NTN1: variants seen among roughly 807,000 people sequenced by gnomAD.
The protein encoded by NTN1 is netrin 1, also known as netrin-1.
In NTN1, 11 loss-of-function variants were observed where a neutral mutation model predicts 54.2. That is an observed-to-expected ratio of 0.20 (90% CI 0.13 to 0.34). The LOEUF is 0.34. NTN1 is among the 10% of genes least tolerant of loss of function. The pLI is 1.00. For missense variants in NTN1, 740 were observed against 893.1 expected, an observed-to-expected ratio of 0.83 and a Z score of 2.18; for synonymous variants, 371 against 382.0, an observed-to-expected ratio of 0.97 and a Z score of 0.33.
intron 3 of NTN1, chr17:9,171,445 C>T (rs1301411301): frequency 1.3e-5 from 2 of 152,194 alleles, no homozygotes; most frequent in South Asian, 2.1e-4. Flanking sequence ...GTTTGTGTAA[C>T]GCTTATTGCA....
At chr17:9,071,371 C>T (rs1434563640) in intron 2 of NTN1, among the ~76,000 whole-genome samples, 2 of 152,224 alleles carry the variant, frequency 1.3e-5, no homozygotes, top group South Asian at 2.1e-4. Flanking sequence ...GTTTTGATCA[C>T]TTTTCTAATA....
intron 2 of NTN1, among the ~76,000 whole-genome samples, chr17:9,033,737 G>A (rs2091894636): frequency 6.6e-6 from 1 of 152,144 alleles, no homozygotes; most frequent in Admixed American, 6.5e-5. Context: ...GACCAACATG[G>A]AGAAACCCCG....
chr17:9,053,152 T>C (rs2142200556), intron 2 of NTN1, among the ~76,000 whole-genome samples: 1 of 152,348 alleles, frequency 6.6e-6, no homozygotes, highest in Middle Eastern at 3.4e-3. Flanking sequence ...TGTTTATGTA[T>C]TGTCTGTGGC....
chr17:9,057,546 C>A (rs1176690784), intron 2 of NTN1, among the ~76,000 whole-genome samples: 1 of 152,114 alleles, frequency 6.6e-6, no homozygotes. Flanking sequence ...CCTTCATCTC[C>A]CCGTTTTCAT....
chr17:9,046,696 A>C (rs1011954294), intron 2 of NTN1, among the ~76,000 whole-genome samples: 1 of 152,156 alleles, frequency 6.6e-6, no homozygotes. Flanking sequence ...CTCAGGCAGG[A>C]GGATCGCTTG....
chr17:9,100,931 C>G (rs1165144995), intron 2 of NTN1, among the ~76,000 whole-genome samples: 2 of 152,160 alleles, frequency 1.3e-5, no homozygotes, highest in African/African-American at 4.8e-5. Context: ...TGCTGTTCCT[C>G]CCTTCCTGGA....
intron 2 of NTN1, among the ~76,000 whole-genome samples, chr17:9,114,167 ATATAT>A (rs1299067458): frequency 9.5e-4 from 51 of 53,522 alleles, no homozygotes; most frequent in African/African-American, 4.0e-3. Flanking sequence ...AAAAAAAAAA[ATATAT>A]ATATATATAT....
chr17:9,228,777 G>A (rs1312443608), intron 6 of NTN1, among the ~76,000 whole-genome samples: 1 of 151,862 alleles, frequency 6.6e-6, no homozygotes, highest in Non-Finnish European at 1.5e-5. Context: ...ACTCAAGGAG[G>A]ATGTTCTGTT....
At chr17:9,234,810 C>T (rs1015153618) in intron 6 of NTN1, among the ~76,000 whole-genome samples, 3 of 152,242 alleles carry the variant, frequency 2.0e-5, no homozygotes, top group Non-Finnish European at 4.4e-5. Context: ...CTCCCCTCCC[C>T]AGGCAGGGTT....
rs117911707 is a variant in NTN1 at position 9,106,384 on chromosome 17, C to T, written c.1019-56429C>T. On this transcript the variant is annotated intron_variant, in intron 2 of 6. Transcript: ENST00000173229. ...GTAGGCCTGCCTCGGAGTTAGCACACGGAACGGAATATCCTACATGTAGTT... is the reference window on the plus strand; with the variant it reads ...GTAGGCCTGCCTCGGAGTTAGCACATGGAACGGAATATCCTACATGTAGTT... Among the ~76,000 whole-genome samples the T allele has an allele frequency of 1.2e-4, 18 of 152,324 alleles. No homozygotes were observed. The East Asian group carries it at 2.9e-3, about 24-fold the overall frequency.
chr17:9,077,968 C>T (rs933578156), intron 2 of NTN1, among the ~76,000 whole-genome samples: 4 of 152,188 alleles, frequency 2.6e-5, no homozygotes, highest in Admixed American at 1.3e-4. Flanking sequence ...ATTATCATTA[C>T]TCCACTCCTG....
rs561199419 is a variant in NTN1, at chr17:9,072,248, G to GT, written c.1018+48874dup. ...GGCCCTGGAGCCTGGGTTATTTGCT[G>GT]TTTTTTTTTTTTTTTTTCAAGCGGG... On this transcript the variant is annotated intron_variant, in intron 2 of 6. Transcript: ENST00000173229. 6.9e-3 allele frequency among the ~76,000 whole-genome samples: 904 copies of GT among 131,394 alleles called. 1 individual carries two copies. The highest frequency in any genetic ancestry group is 8.0e-3 in the South Asian group (31 of 3,892). The allele number at this position is 131,394 out of a possible 152,430, so 86.2% of individuals were successfully genotyped here.
chr17:9,060,086 C>T (rs139352170), intron 2 of NTN1, among the ~76,000 whole-genome samples: 4 of 152,018 alleles, frequency 2.6e-5, no homozygotes, highest in Non-Finnish European at 4.4e-5. Flanking sequence ...TAATGATAAG[C>T]GTACAGTTGG....
chr17:9,085,379 G>A (rs1000537166), intron 2 of NTN1, among the ~76,000 whole-genome samples: 21 of 152,206 alleles, frequency 1.4e-4, no homozygotes, highest in Admixed American at 1.3e-3. Context: ...TTCCTTTAAG[G>A]AAGTGAAGTG....
the NTN1 span, among the ~76,000 whole-genome samples, chr17:9,012,707 T>C: frequency 6.6e-6 from 1 of 152,054 alleles, no homozygotes; most frequent in South Asian, 2.1e-4. Context: ...CTGCTTAAAA[T>C]CCACCTCCCC....
intron 2 of NTN1, among the ~76,000 whole-genome samples, chr17:9,144,202 G>A (rs17673686): frequency 0.019 from 2,937 of 151,662 alleles, 40 homozygotes; most frequent in Non-Finnish European, 0.03. Flanking sequence ...GGCCGTTACC[G>A]TCTTTTATAT....
In NTN1 at chr17:9,221,043, G is replaced by T; in HGVS notation, c.1412-125G>T. 1.3e-6 allele frequency: 1 copy of T among 771,018 alleles called. No homozygotes were observed. 47.8% of individuals were successfully genotyped at this position (771,018 alleles called of 1,614,324 possible). ...TTCCTGAATGGCCGCCTGCCCGCCC[G>T]GCCTGGCCCATGGGTATCACAGGCC... is the stretch of plus-strand genomic sequence containing the variant. On this transcript the variant is annotated intron_variant, in intron 5 of 6. Transcript: ENST00000173229. The surrounding 1 kb of genome is among the most constrained non-coding windows in gnomAD (Gnocchi z 4.5).
chr17:9,205,530 GT>G, intron 5 of NTN1, among the ~76,000 whole-genome samples: 1 of 152,268 alleles, frequency 6.6e-6, no homozygotes, highest in Non-Finnish European at 1.5e-5. Flanking sequence ...GGGAGGCTAA[GT>G]AGGATCATTG....
chr17:9,114,166 A>AAAAAAAATATATATATATAT (rs1555569108), intron 2 of NTN1, among the ~76,000 whole-genome samples: 1 of 74,658 alleles, frequency 1.3e-5, no homozygotes, highest in Non-Finnish European at 2.5e-5. Context: ...AAAAAAAAAA[A>AAAAAAAATATATATATATAT]ATATATATAT....
Sources: gnomAD v4.1 joint callset for allele counts (sites outside exome capture counted in the v4.1 genomes callset) on GRCh38, gnomAD v4.1.1 for gene constraint, Gnocchi (gnomAD v3.1) non-coding constraint, MANE v1.5 for transcripts, NCBI Gene and HGNC (gene_info 2026-07-23, HGNC 2026-07-21) for gene names.